The following TMTC2 variants were observed in gnomAD, a reference collection of about 807,000 sequenced individuals.
The protein encoded by TMTC2 is protein O-mannosyl-transferase TMTC2.
In TMTC2, 43 loss-of-function variants were observed where a neutral mutation model predicts 82.4. The ratio of observed to expected loss-of-function variants is 0.52; its 90% CI spans 0.41 to 0.67. TMTC2 has a LOEUF of 0.67. Among genes scored for constraint, TMTC2 ranks in the 30% least tolerant of loss-of-function variants. The probability of loss-of-function intolerance (pLI) is 0.00; values close to 1 mark genes in which losing one functional copy is unlikely to be tolerated. For missense variants in TMTC2, 919 were observed against 1,012.4 expected (o/e 0.91, Z 1.25); for synonymous variants, 408 against 381.9 (o/e 1.07, Z -0.80).
intron 1 of TMTC2, among the ~76,000 whole-genome samples, chr12:82,726,802 C>T (rs1481333928): frequency 6.6e-6 from 1 of 150,688 alleles, no homozygotes; most frequent in Non-Finnish European, 1.5e-5. Flanking sequence ...TGGCGTGAAC[C>T]CAGGAGGCAG....
chr12:82,986,140 T>C, intron 8 of TMTC2, 94 bp downstream of exon 8: 2 of 1,548,796 alleles, frequency 1.3e-6, no homozygotes, highest in African/African-American at 2.7e-5. Context: ...GCCAGTTATC[T>C]AAGCTATTAG....
chr12:82,902,746 CTATT>C (rs1874086680), intron 3 of TMTC2, among the ~76,000 whole-genome samples: 1 of 152,084 alleles, frequency 6.6e-6, no homozygotes, highest in South Asian at 2.1e-4. Flanking sequence ...GGTTCAAAAA[CTATT>C]TATTGAGTAC....
chr12:82,709,965 T>A (rs1873547011), intron 1 of TMTC2, among the ~76,000 whole-genome samples: 1 of 152,216 alleles, frequency 6.6e-6, no homozygotes, highest in Non-Finnish European at 1.5e-5. Context: ...GTAGTTTTTT[T>A]TCAACCTGCA....
chr12:82,823,779 CTAAATCTCT>C (rs1239232841), intron 1 of TMTC2, among the ~76,000 whole-genome samples: 13 of 151,900 alleles, frequency 8.6e-5, no homozygotes, highest in Admixed American at 8.5e-4. Flanking sequence ...TGTTCTAGTC[CTAAATCTCT>C]TCTGTACTTC....
chr12:83,085,109 C>T (rs1025780685), intron 11 of TMTC2, among the ~76,000 whole-genome samples: 2 of 152,100 alleles, frequency 1.3e-5, no homozygotes, highest in African/African-American at 2.4e-5. Flanking sequence ...CCATCATGGG[C>T]GAAGAGCTCT....
intron 3 of TMTC2, among the ~76,000 whole-genome samples, chr12:82,899,726 AAT>A (rs913249932): frequency 3.2e-5 from 4 of 123,324 alleles, no homozygotes; most frequent in African/African-American, 1.1e-4. Context: ...TATATATAAG[AAT>A]ATATATATGT....
chr12:83,104,818 T>G (rs1256831639), intron 11 of TMTC2, among the ~76,000 whole-genome samples: 2 of 152,186 alleles, frequency 1.3e-5, no homozygotes, highest in Non-Finnish European at 2.9e-5. Context: ...CTAAAAAGCT[T>G]TTTCTTTTTC....
chr12:83,025,513 C>G (rs1881127063), intron 8 of TMTC2, among the ~76,000 whole-genome samples: 1 of 152,068 alleles, frequency 6.6e-6, no homozygotes, highest in Non-Finnish European at 1.5e-5. Flanking sequence ...GGGAATTCCG[C>G]ACAAACCAAT....
chr12:83,115,849 A>G (rs7970542), intron 11 of TMTC2, among the ~76,000 whole-genome samples: 22,808 of 152,016 alleles, frequency 0.15, 1,997 homozygotes, highest in African/African-American at 0.24. Flanking sequence ...GTGCAGTCGC[A>G]CGAGCTCGGC....
At chr12:83,005,424 G>T (rs1359516910) in intron 8 of TMTC2, among the ~76,000 whole-genome samples, 1 of 151,974 alleles carries the variant, frequency 6.6e-6, no homozygotes, top group Admixed American at 6.6e-5. Context: ...AGTGCTCTGT[G>T]GTGGGGGAGA....
chr12:82,923,922 T>C (rs1418339725), intron 3 of TMTC2, among the ~76,000 whole-genome samples: 1 of 152,184 alleles, frequency 6.6e-6, no homozygotes, highest in Non-Finnish European at 1.5e-5. Context: ...TATTAAAAAG[T>C]TGATTGGGTT....
At chr12:82,999,615 G>C (rs1304789733) in intron 8 of TMTC2, among the ~76,000 whole-genome samples, 1 of 152,156 alleles carries the variant, frequency 6.6e-6, no homozygotes, top group Admixed American at 6.5e-5. Flanking sequence ...ATAGATGTCA[G>C]CAGGCAAAGA....
chr12:82,752,278 A>G (rs1188387899), intron 1 of TMTC2, among the ~76,000 whole-genome samples: 1 of 151,204 alleles, frequency 6.6e-6, no homozygotes, highest in East Asian at 1.9e-4. Flanking sequence ...TGAGGTCAGG[A>G]GTTTGAGACC....
At chr12:82,696,632 G>C (rs935455067) in intron 1 of TMTC2, among the ~76,000 whole-genome samples, 13 of 151,482 alleles carry the variant, frequency 8.6e-5, no homozygotes, top group Non-Finnish European at 1.6e-4. Flanking sequence ...TTTGGCTTTT[G>C]TTCCATATTG....
chr12:82,703,609 C>T (rs1873197726), intron 1 of TMTC2, among the ~76,000 whole-genome samples: 1 of 151,830 alleles, frequency 6.6e-6, no homozygotes, highest in Non-Finnish European at 1.5e-5. Context: ...CGCCATTCTC[C>T]TGCCTCAGCC....
intron 8 of TMTC2, among the ~76,000 whole-genome samples, chr12:83,015,143 A>G (rs1880617185): frequency 6.6e-6 from 1 of 152,206 alleles, no homozygotes; most frequent in South Asian, 2.1e-4. Flanking sequence ...ATAATTTAAT[A>G]ATTTAGTATC....
intron 3 of TMTC2, among the ~76,000 whole-genome samples, chr12:82,917,892 CT>C (rs1235652912): frequency 4.7e-5 from 7 of 150,374 alleles, no homozygotes; most frequent in Non-Finnish European, 7.4e-5. Flanking sequence ...TGAGCCACTG[CT>C]CCCGGCCAGC....
At chr12:83,114,689 A>G (rs1227912737) in intron 11 of TMTC2, among the ~76,000 whole-genome samples, 1 of 152,158 alleles carries the variant, frequency 6.6e-6, no homozygotes, top group Non-Finnish European at 1.5e-5. Flanking sequence ...AAACATAGAC[A>G]TTAATTAGAA....
intron 7 of TMTC2, among the ~76,000 whole-genome samples, chr12:82,978,281 G>C (rs975719680): frequency 5.3e-5 from 8 of 151,784 alleles, no homozygotes; most frequent in African/African-American, 1.9e-4. Context: ...AAATATCTGA[G>C]CACTGGTGAA....
Sources: gnomAD v4.1 joint callset for allele counts (sites outside exome capture counted in the v4.1 genomes callset) on GRCh38, gnomAD v4.1.1 for gene constraint, MANE v1.5 for transcripts, NCBI Gene and HGNC (gene_info 2026-07-23, HGNC 2026-07-21) for gene names.